NINL: variants seen among roughly 807,000 people sequenced by gnomAD.
NINL encodes the protein ninein-like protein.
Under a neutral mutation model 160.3 loss-of-function variants are expected in NINL, and 153 were observed. That is an observed-to-expected ratio of 0.95 (90% CI 0.84 to 1.09). NINL has a LOEUF of 1.09. Among genes scored for constraint, NINL ranks in the 50% least tolerant of loss-of-function variants. NINL has a pLI of 0.00. For synonymous variants in NINL, 800 were observed against 734.8 expected (o/e 1.09, Z -1.43); for missense variants, 1,829 against 1,764.0 (o/e 1.04, Z -0.66).
At chr20:25,572,156 T>G (rs2065061652) in intron 1 of NINL, among the ~76,000 whole-genome samples, 2 of 151,984 alleles carry the variant, frequency 1.3e-5, no homozygotes, top group South Asian at 4.2e-4. Flanking sequence ...AGTCTGTTCC[T>G]TTAAGTTGCC....
chr20:25,518,028 A>C (rs184791909), intron 2 of NINL, among the ~76,000 whole-genome samples, 179 bp from the exon 3 acceptor site: 19 of 152,352 alleles, frequency 1.2e-4, no homozygotes, highest in African/African-American at 4.1e-4. Flanking sequence ...CATGATAAGG[A>C]AAGTAGAAGT....
intron 1 of NINL, among the ~76,000 whole-genome samples, chr20:25,537,698 T>G (rs1276566920): frequency 6.6e-6 from 1 of 152,172 alleles, no homozygotes; most frequent in Non-Finnish European, 1.5e-5. Flanking sequence ...GGGACAGCCC[T>G]GGGCTGCTGC....
intron 1 of NINL, among the ~76,000 whole-genome samples, chr20:25,574,870 G>A (rs779795441): frequency 6.6e-6 from 1 of 152,008 alleles, no homozygotes; most frequent in Non-Finnish European, 1.5e-5. Flanking sequence ...TCACATAACA[G>A]AGCCAGAGAA....
intron 10 of NINL, among the ~76,000 whole-genome samples, chr20:25,494,561 G>A (rs2063710095): frequency 6.6e-6 from 1 of 152,104 alleles, no homozygotes; most frequent in South Asian, 2.1e-4. Context: ...GCTGTGTACA[G>A]CCGTCCCCAG....
chr20:25,562,949 C>A (rs558702276), intron 1 of NINL, among the ~76,000 whole-genome samples: 47 of 152,222 alleles, frequency 3.1e-4, no homozygotes, highest in Admixed American at 1.8e-3. Flanking sequence ...GGGCAGATCA[C>A]GAGGTCAGGA....
intron 17 of NINL, 113 bp downstream of exon 17, chr20:25,475,930 G>C: frequency 8.9e-7 from 1 of 1,128,484 alleles, no homozygotes; most frequent in Non-Finnish European, 1.3e-6. Flanking sequence ...ATCAGGGGCT[G>C]CGAGCTTGTC....
At chr20:25,457,372 A>C (rs1356044769) in intron 22 of NINL, among the ~76,000 whole-genome samples, 2 of 152,218 alleles carry the variant, frequency 1.3e-5, no homozygotes, top group Non-Finnish European at 2.9e-5. Flanking sequence ...CAAACCACAC[A>C]GCTTTCCTTT....
chr20:25,548,649 C>A (rs983185582), intron 1 of NINL, among the ~76,000 whole-genome samples: 5 of 150,992 alleles, frequency 3.3e-5, no homozygotes, highest in African/African-American at 9.8e-5. Flanking sequence ...CCCAGCCTCA[C>A]CTAGGGCTGA....
chr20:25,532,003 G>A (rs2064473117), intron 1 of NINL, among the ~76,000 whole-genome samples: 1 of 152,272 alleles, frequency 6.6e-6, no homozygotes, highest in East Asian at 1.9e-4. Context: ...GATGGGGAAA[G>A]TCTCTAACTG....
chr20:25,578,451 C>A (rs1196056031), intron 1 of NINL, among the ~76,000 whole-genome samples: 2 of 151,926 alleles, frequency 1.3e-5, no homozygotes, highest in African/African-American at 2.4e-5. Context: ...CACAAAGCCA[C>A]AAAAAGCAAA....
chr20:25,469,464 GC>G (rs11345979), intron 18 of NINL, among the ~76,000 whole-genome samples: 21,642 of 146,528 alleles, frequency 0.15, 1,908 homozygotes, highest in East Asian at 0.33. Flanking sequence ...TCTCACTGGT[GC>G]CCCCACCCCC....
chr20:25,488,184 A>C (rs1158943618), intron 13 of NINL, among the ~76,000 whole-genome samples: 1 of 152,146 alleles, frequency 6.6e-6, no homozygotes. Context: ...GGGGCAGGTG[A>C]ATGTGTGGCA....
chr20:25,474,409 C>T (rs1484591496), intron 17 of NINL, among the ~76,000 whole-genome samples: 1 of 152,218 alleles, frequency 6.6e-6, no homozygotes, highest in Non-Finnish European at 1.5e-5. Flanking sequence ...GAAGGAAGAA[C>T]AGACGGACCA....
Position 25,504,054 on chromosome 20 carries a change from C to A in NINL, c.759G>T (p.Val253=), listed in dbSNP as rs752318836. The change falls in exon 7 of 24, where the codon GTG becomes GTT. Residue 253 remains valine (V), a synonymous_variant. Coordinates refer to ENST00000278886, the MANE Select transcript of NINL (RefSeq NM_025176.6). ...NKLDQDGDGK[V]SLEEFQLGLF... ...GGCCAAGCTGGAATTCCTCAAGACT[C>A]ACTTTGCCGTCTCCGTCTTGATCCA... The A allele has an allele frequency of 3.1e-6, 5 of 1,607,682 alleles. No individual in the cohort carries two copies. Among genetic ancestry groups the A allele is most frequent in the Non-Finnish European group, 3.4e-6 (4 of 1,177,630 alleles).
At chr20:25,561,327 G>A (rs574543696) in intron 1 of NINL, among the ~76,000 whole-genome samples, 10 of 152,290 alleles carry the variant, frequency 6.6e-5, no homozygotes, top group Admixed American at 3.3e-4. Context: ...ACGGAGTCTC[G>A]TTAACTCAGT....
chr20:25,497,948 G>T (rs903394138), intron 9 of NINL, among the ~76,000 whole-genome samples: 5 of 152,108 alleles, frequency 3.3e-5, no homozygotes, highest in Admixed American at 2.6e-4. Context: ...CAGGTCCTCA[G>T]GCCCCACCCA....
intron 17 of NINL, 94 bp from the exon 18 acceptor site, chr20:25,470,189 C>A (rs2063062104): frequency 2.2e-6 from 2 of 903,736 alleles, no homozygotes; most frequent in Non-Finnish European, 3.6e-6. Flanking sequence ...GAGAACTGTG[C>A]GTCCCCATCT....
intron 2 of NINL, among the ~76,000 whole-genome samples, chr20:25,520,777 C>G (rs1349494355): frequency 6.6e-6 from 1 of 152,214 alleles, no homozygotes; most frequent in Non-Finnish European, 1.5e-5. Context: ...CTATGGCTCA[C>G]TTTTAGGATA....
At chr20:25,475,912 C>T in intron 17 of NINL, 131 bp downstream of exon 17, 2 of 911,800 alleles carry the variant, frequency 2.2e-6, no homozygotes, top group Admixed American at 2.6e-5. Context: ...AAGGGCTACA[C>T]AGCCCCCATC....
Sources: allele counts gnomAD v4.1 joint callset (sites outside exome capture counted in the v4.1 genomes callset), GRCh38; gene constraint gnomAD v4.1.1; transcripts MANE v1.5; gene names NCBI Gene and HGNC (gene_info 2026-07-23, HGNC 2026-07-21).